Variants in EPS15L1 observed in about 807,000 individuals in gnomAD.
The protein encoded by EPS15L1 is epidermal growth factor receptor substrate 15-like 1.
A neutral mutation model predicts 117.1 loss-of-function variants in EPS15L1; 43 were observed. The ratio of observed to expected loss-of-function variants is 0.37; its 90% confidence interval spans 0.29 to 0.47. The LOEUF is 0.47. Ranked by LOEUF, EPS15L1 falls within the 20% of genes least tolerant of loss-of-function variation. EPS15L1 has a pLI of 0.99. For missense variants in EPS15L1, 981 were observed against 1,164.0 expected, an observed-to-expected ratio of 0.84 and a Z score of 2.29; for synonymous variants, 459 against 470.5, an observed-to-expected ratio of 0.98 and a Z score of 0.32.
chr19:16,421,635 G>C (rs370193867), intron 9 of EPS15L1, among the ~76,000 whole-genome samples, 159 bp from the exon 10 acceptor site: 1 of 152,138 alleles, frequency 6.6e-6, no homozygotes, highest in Non-Finnish European at 1.5e-5. Context: ...TCCTTGTTCT[G>C]TAACTGGCAA....
intron 12 of EPS15L1, among the ~76,000 whole-genome samples, chr19:16,415,216 G>A (rs1018657008): frequency 6.6e-6 from 1 of 152,174 alleles, no homozygotes; most frequent in African/African-American, 2.4e-5. Context: ...TGACTCTCCA[G>A]GAATCAGCAA....
In EPS15L1 at chr19:16,425,286, T is replaced by C. The variant is rs959978448; in HGVS notation, c.589A>G (p.Lys197Glu). Residue 197 changes from lysine to glutamate, a missense_variant, in exon 9 of 24, where the codon AAG becomes GAG. Lys to Glu is a moderately conservative substitution (Grantham distance 56). Coordinates refer to ENST00000455140, the MANE Select transcript of EPS15L1 (RefSeq NM_001258374.3). ...GGCAGGGCGGAGGGCACGGGCTCCT[T>C]CTCCAGGGCTCGGTACACCAAGTGC... is the stretch of plus-strand genomic sequence containing the variant. ...AMHLVYRALEKEPVPSALPPS... is the reference protein window; with the variant it reads ...AMHLVYRALEEEPVPSALPPS... 2 of 1,604,192 alleles carry C rather than the reference T, an allele frequency of 1.2e-6. No homozygotes were observed. Among genetic ancestry groups the C allele is most frequent in the East Asian group, 2.2e-5 (1 of 44,552 alleles).
At chr19:16,397,961 G>A (rs1440922051) in intron 16 of EPS15L1, among the ~76,000 whole-genome samples, 4 of 152,126 alleles carry the variant, frequency 2.6e-5, no homozygotes, top group African/African-American at 9.7e-5. Context: ...GCATTCCTGC[G>A]TAGGACTCAC....
chr19:16,419,159 CA>C (rs2092790157), intron 10 of EPS15L1, among the ~76,000 whole-genome samples: 1 of 152,228 alleles, frequency 6.6e-6, no homozygotes, highest in African/African-American at 2.4e-5. Context: ...GCGACACTCA[CA>C]ATCAAGGAGC....
At chr19:16,465,984 C>CTTTT (rs1476399795) in intron 1 of EPS15L1, among the ~76,000 whole-genome samples, 1 of 145,130 alleles carries the variant, frequency 6.9e-6, no homozygotes, top group Non-Finnish European at 1.5e-5. Context: ...CTCACTTTAT[C>CTTTT]TATTTTTTTT....
intron 1 of EPS15L1, among the ~76,000 whole-genome samples, chr19:16,449,823 G>T (rs548976693): frequency 6.6e-6 from 1 of 152,272 alleles, no homozygotes; most frequent in South Asian, 2.1e-4. Context: ...GCAATGAAAA[G>T]GAATGAACAG....
chr19:16,437,113 A>G, intron 5 of EPS15L1, 114 bp from the exon 6 acceptor site: 1 of 821,084 alleles, frequency 1.2e-6, no homozygotes, highest in Non-Finnish European at 2.0e-6. Context: ...GGAAGACTTC[A>G]CAAAGTTAAA....
At chr19:16,452,496 T>C (rs1599674045) in intron 1 of EPS15L1, among the ~76,000 whole-genome samples, 1 of 150,374 alleles carries the variant, frequency 6.7e-6, no homozygotes, top group South Asian at 2.1e-4. Flanking sequence ...GGCACTCGCC[T>C]GTAGTCCCAG....
intron 19 of EPS15L1, among the ~76,000 whole-genome samples, chr19:16,389,833 T>C (rs974017413): frequency 2.0e-5 from 3 of 152,166 alleles, no homozygotes; most frequent in Non-Finnish European, 4.4e-5. Flanking sequence ...AAGTAGACTA[T>C]GAAAAGTTAA....
chr19:16,404,894 A>G lies in EPS15L1; in HGVS notation c.1267-145T>C, dbSNP rs1599590778. 1 of 840,490 alleles carries G rather than the reference A, an allele frequency of 1.2e-6. No homozygotes were observed. The highest frequency in any genetic ancestry group is 1.9e-6 in the Non-Finnish European group (1 of 532,762). 52.1% of individuals were successfully genotyped at this position (840,490 alleles called of 1,614,324 possible). A position where few individuals can be genotyped will look rare whatever the true frequency, so the allele number is the denominator to read the frequency against. On this transcript the variant is annotated intron_variant, in intron 13 of 23. Coordinates refer to ENST00000455140, the MANE Select transcript of EPS15L1 (RefSeq NM_001258374.3). The surrounding 1 kb of genome is among the most constrained non-coding windows in gnomAD (Gnocchi z 4.2). ...TGCTCAGGGCCAGCATTCCGTGCAC[A>G]CCCACGGCCAATGTGTGCCTCTTGG...
intron 1 of EPS15L1, among the ~76,000 whole-genome samples, chr19:16,459,366 C>G (rs902045857): frequency 2.0e-5 from 3 of 152,178 alleles, no homozygotes; most frequent in African/African-American, 7.2e-5. Flanking sequence ...CTGTAATGAC[C>G]GGCCCCTCTC....
chr19:16,433,255 G>A lies in EPS15L1; in HGVS notation c.498+1110C>T, dbSNP rs954986138. Among the ~76,000 whole-genome samples the A allele has an allele frequency of 3.9e-5, 6 of 152,028 alleles. No individual in the cohort carries two copies. The South Asian group carries it at 1.2e-3, about 32-fold the overall frequency. On this transcript the variant is annotated intron_variant, in intron 7 of 23. Transcript: ENST00000455140. ...CGATTCTCCTGTCTCAGCCTCCCAA[G>A]TGTCTGGGATTACAGGCGAACACCA...
At chr19:16,433,055 C>T (rs954935985) in intron 7 of EPS15L1, among the ~76,000 whole-genome samples, 4 of 151,974 alleles carry the variant, frequency 2.6e-5, no homozygotes, top group South Asian at 2.1e-4. Flanking sequence ...AAGTAATCTG[C>T]CCGCCCCAGC....
At chr19:16,446,585 C>T (rs2093085374) in intron 1 of EPS15L1, among the ~76,000 whole-genome samples, 2 of 152,112 alleles carry the variant, frequency 1.3e-5, no homozygotes. Context: ...CTGAGTTTGC[C>T]CTACTCAGGA....
At chr19:16,389,628 C>G (rs546639832) in intron 19 of EPS15L1, among the ~76,000 whole-genome samples, 1 of 152,046 alleles carries the variant, frequency 6.6e-6, no homozygotes, top group Non-Finnish European at 1.5e-5. Flanking sequence ...CTTTTTTCCT[C>G]TTTCTTTACA....
At position 16,380,138 on chromosome 19, in the gene EPS15L1, C is replaced by T. The variant is rs188968401; in HGVS notation, c.2248-2884G>A. ...GCCGTCTAAGGCTCCGGCATCTAGT[C>T]GCACAGACGCAGCCATCTAAGGCTC... On this transcript the variant is annotated intron_variant, in intron 21 of 23. Coordinates refer to ENST00000455140, the MANE Select transcript of EPS15L1 (RefSeq NM_001258374.3). Among the ~76,000 whole-genome samples, 16 of 152,174 alleles carry T rather than the reference C, an allele frequency of 1.1e-4. No homozygotes were observed. In the East Asian group the frequency reaches 2.7e-3, roughly 26 times the overall value.
chr19:16,355,667 C>T lies in EPS15L1; in HGVS notation c.*38G>A, dbSNP rs1471571725. On this transcript the variant is annotated 3_prime_UTR_variant, in exon 24 of 24. Transcript: ENST00000455140. Reference sequence around the variant, plus strand: ...CATCTGCACTGCCCCCTCTCTGGAACCCGCCCGTGCCCTGTCCCGCCTACA... The same window carrying T: ...CATCTGCACTGCCCCCTCTCTGGAATCCGCCCGTGCCCTGTCCCGCCTACA... 1.3e-6 allele frequency: 2 copies of T among 1,526,106 alleles called. No individual in the cohort carries two copies. The highest frequency in any genetic ancestry group is 2.5e-5 in the East Asian group (1 of 40,596). 94.5% of individuals were successfully genotyped at this position (1,526,106 alleles called of 1,614,324 possible). A position where few individuals can be genotyped will look rare whatever the true frequency, so the allele number is the denominator to read the frequency against.
At chr19:16,425,795 ACT>A (rs548119927) in intron 8 of EPS15L1, among the ~76,000 whole-genome samples, 3 of 152,110 alleles carry the variant, frequency 2.0e-5, no homozygotes, top group Admixed American at 6.5e-5. Flanking sequence ...ACAGAGCGAG[ACT>A]CTGTCTCTAT....
At chr19:16,378,941 A>C (rs1443759272) in intron 21 of EPS15L1, among the ~76,000 whole-genome samples, 1 of 152,256 alleles carries the variant, frequency 6.6e-6, no homozygotes, top group Non-Finnish European at 1.5e-5. Flanking sequence ...TAACTAGGAA[A>C]TTATAGGACA....
Sources: gnomAD v4.1 joint callset for allele counts (sites outside exome capture counted in the v4.1 genomes callset) on GRCh38, gnomAD v4.1.1 for gene constraint, Gnocchi (gnomAD v3.1) non-coding constraint, MANE v1.5 for transcripts, NCBI Gene and HGNC (gene_info 2026-07-23, HGNC 2026-07-21) for gene names.